MAP2K5: variants seen among roughly 807,000 people sequenced by gnomAD.
The protein encoded by MAP2K5 is mitogen-activated protein kinase kinase 5, also known as dual specificity mitogen-activated protein kinase kinase 5.
A neutral mutation model predicts 83.1 loss-of-function variants in MAP2K5; 49 were observed. The observed-to-expected ratio is 0.59, with a 90% CI of 0.47 to 0.75. The LOEUF (loss-of-function observed/expected upper bound fraction) is 0.75, where lower values mean the gene tolerates loss of function less well. Ranked by LOEUF, MAP2K5 falls within the 30% of genes least tolerant of loss-of-function variation. The pLI is 0.00. For synonymous variants in MAP2K5, 202 were observed against 191.8 expected (o/e 1.05, Z -0.44); for missense variants, 457 against 557.5 (o/e 0.82, Z 1.82).
chr15:67,668,961 T>C lies in MAP2K5; in HGVS notation c.847+4316T>C, dbSNP rs1189701141. Among the ~76,000 whole-genome samples the C allele has an allele frequency of 6.6e-6, 1 of 152,190 alleles. No individual in the cohort carries two copies. Among genetic ancestry groups the C allele is most frequent in the African/African-American group, 2.4e-5 (1 of 41,458 alleles). ...ATTCTGTAGGAAAATGCTGGCCAGA[T>C]AGATTTGTGTTTAAAGAAACTAAGC... is the stretch of plus-strand genomic sequence containing the variant. On this transcript the variant is annotated intron_variant, in intron 13 of 21. Transcript: ENST00000178640. This position sits in a 1 kb window ranked among gnomAD's most constrained non-coding sequence, Gnocchi z 4.0.
chr15:67,689,437 G>C (rs1314295379), intron 13 of MAP2K5, among the ~76,000 whole-genome samples: 1 of 152,188 alleles, frequency 6.6e-6, no homozygotes, highest in East Asian at 1.9e-4. Flanking sequence ...AAACCTGGGG[G>C]TGGGAAGGAG....
chr15:67,618,328 C>T (rs548362466), intron 8 of MAP2K5, among the ~76,000 whole-genome samples: 18 of 152,278 alleles, frequency 1.2e-4, no homozygotes, highest in African/African-American at 2.4e-4. Flanking sequence ...TGTACCTTCT[C>T]GTCTCCTTTA....
chr15:67,589,623 T>C (rs1366893748), intron 6 of MAP2K5, among the ~76,000 whole-genome samples: 1 of 152,248 alleles, frequency 6.6e-6, no homozygotes, highest in Non-Finnish European at 1.5e-5. Flanking sequence ...CAAAATGTTA[T>C]TAATTCAAGT....
At position 67,543,180 on chromosome 15, in the gene MAP2K5, T is replaced by C. The variant is rs1340411100; in HGVS notation, c.-156T>C. On this transcript the variant is annotated 5_prime_UTR_variant, in exon 1 of 22. Coordinates refer to ENST00000178640, the MANE Select transcript of MAP2K5 (RefSeq NM_145160.3). This position sits in a 1 kb window ranked among gnomAD's most constrained non-coding sequence, Gnocchi z 4.3. ...TCGGTGCCTGCGGGTGCGTTCCTGA[T>C]CACCCCTCCCCTCTTCCCTCCCCCT... The C allele has an allele frequency of 1.4e-6, 1 of 724,566 alleles. No individual in the cohort carries two copies. Among genetic ancestry groups the C allele is most frequent in the Non-Finnish European group, 2.3e-6 (1 of 433,502 alleles). The allele number at this position is 724,566 out of a possible 1,614,324, so 44.9% of individuals were successfully genotyped here.
chr15:67,698,757 G>C lies in MAP2K5; in HGVS notation c.973-4580G>C, dbSNP rs117484260. Among the ~76,000 whole-genome samples, 1 of 151,976 alleles carries C rather than the reference G, an allele frequency of 6.6e-6. No homozygotes were observed. The highest frequency in any genetic ancestry group is 2.4e-5 in the African/African-American group (1 of 41,362). ...CAGTTCTTGGTAATTGTCTTTACTCGGAATAAAACACATACACATTGCATG... is the reference window on the plus strand; with the variant it reads ...CAGTTCTTGGTAATTGTCTTTACTCCGAATAAAACACATACACATTGCATG... On this transcript the variant is annotated intron_variant, in intron 15 of 21. Coordinates refer to ENST00000178640, the MANE Select transcript of MAP2K5 (RefSeq NM_145160.3). This position sits in a 1 kb window ranked among gnomAD's most constrained non-coding sequence, Gnocchi z 4.5.
intron 13 of MAP2K5, among the ~76,000 whole-genome samples, chr15:67,689,877 C>T (rs1165198467): frequency 6.6e-6 from 1 of 152,196 alleles, no homozygotes; most frequent in Non-Finnish European, 1.5e-5. Flanking sequence ...CTGTCTCCAT[C>T]TGATATGGTA....
intron 8 of MAP2K5, among the ~76,000 whole-genome samples, chr15:67,613,358 A>G (rs2085976951): frequency 6.6e-6 from 1 of 152,244 alleles, no homozygotes; most frequent in Non-Finnish European, 1.5e-5. Flanking sequence ...ATTAGAAGTA[A>G]TAACATGCTT....
chr15:67,686,603 AAAT>A (rs57116318), intron 13 of MAP2K5, among the ~76,000 whole-genome samples: 4,867 of 148,422 alleles, frequency 0.033, 91 homozygotes, highest in African/African-American at 0.046. Flanking sequence ...ACTGTGTCTC[AAAT>A]AATAATAATA....
rs1316794630 is a variant in MAP2K5 at position 67,768,507 on chromosome 15, A to G, written c.1135-1095A>G. On this transcript the variant is annotated intron_variant, in intron 19 of 21. Transcript: ENST00000178640. The surrounding 1 kb of genome is among the most constrained non-coding windows in gnomAD (Gnocchi z 4.0). ...GCTGGAAGGTTGTATGTAATGATAT[A>G]TTGCTCATCCAAATGGCCAAAGCAC... Among the ~76,000 whole-genome samples, 5 of 152,182 alleles carry G rather than the reference A, an allele frequency of 3.3e-5. No individual in the cohort carries two copies. The highest frequency in any genetic ancestry group is 5.9e-5 in the Non-Finnish European group (4 of 68,030).
rs2090305057 is a variant in MAP2K5 at position 67,780,131 on chromosome 15, T to C, written c.1242+7379T>C. Among the ~76,000 whole-genome samples the C allele has an allele frequency of 6.6e-6, 1 of 152,246 alleles. No individual in the cohort carries two copies. The highest frequency in any genetic ancestry group is 1.9e-4 in the East Asian group (1 of 5,204). On this transcript the variant is annotated intron_variant, in intron 21 of 21. Coordinates refer to ENST00000178640, the MANE Select transcript of MAP2K5 (RefSeq NM_145160.3). This position sits in a 1 kb window ranked among gnomAD's most constrained non-coding sequence, Gnocchi z 5.0. ...AGCATTTAATTATATATTCATCTTA[T>C]GGCCACAAGTTAGTCCATGTAGTAC...
chr15:67,549,065 C>T (rs1374481633), intron 1 of MAP2K5: 42 of 1,522,840 alleles, frequency 2.8e-5, no homozygotes, highest in Non-Finnish European at 3.6e-5. Context: ...AGAAATACTG[C>T]GAGCGGCTTT....
intron 17 of MAP2K5, among the ~76,000 whole-genome samples, chr15:67,733,220 T>C (rs2089262882): frequency 6.6e-6 from 1 of 152,198 alleles, no homozygotes; most frequent in African/African-American, 2.4e-5. Context: ...TGATCTGATG[T>C]TTATACAACC....
At position 67,676,515 on chromosome 15, in the gene MAP2K5, G is replaced by T. The variant is rs2087687810; in HGVS notation, c.847+11870G>T. Among the ~76,000 whole-genome samples the T allele has an allele frequency of 6.6e-6, 1 of 152,074 alleles. No individual in the cohort carries two copies. Among genetic ancestry groups the T allele is most frequent in the South Asian group, 2.1e-4 (1 of 4,818 alleles). On this transcript the variant is annotated intron_variant, in intron 13 of 21. Coordinates refer to ENST00000178640, the MANE Select transcript of MAP2K5 (RefSeq NM_145160.3). This position sits in a 1 kb window ranked among gnomAD's most constrained non-coding sequence, Gnocchi z 4.8. ...TCCATGTCTCTTCCTTTCTCTAAAG[G>T]CATGGTTGAAGGTGATCAGCACCAT...
intron 8 of MAP2K5, among the ~76,000 whole-genome samples, chr15:67,604,866 G>T (rs1246901008): frequency 2.0e-5 from 3 of 151,840 alleles, no homozygotes; most frequent in Non-Finnish European, 4.4e-5. Flanking sequence ...CTGTACTCTA[G>T]CCTGGCAACA....
rs576512210 is a variant in MAP2K5 at position 67,637,194 on chromosome 15, A to T, written c.585+6267A>T. Reference sequence around the variant, plus strand: ...GGCTTCCTTGCTCCTCAGCTTGCAGATGGCCTATTGTGGGACTTCACCTTG... The same window carrying T: ...GGCTTCCTTGCTCCTCAGCTTGCAGTTGGCCTATTGTGGGACTTCACCTTG... On this transcript the variant is annotated intron_variant, in intron 9 of 21. Coordinates refer to ENST00000178640, the MANE Select transcript of MAP2K5 (RefSeq NM_145160.3). The surrounding 1 kb of genome is among the most constrained non-coding windows in gnomAD (Gnocchi z 4.5). 3.9e-5 allele frequency among the ~76,000 whole-genome samples: 6 copies of T among 152,098 alleles called. No homozygotes were observed. The highest frequency in any genetic ancestry group is 1.4e-4 in the African/African-American group (6 of 41,418).
intron 21 of MAP2K5, among the ~76,000 whole-genome samples, chr15:67,798,638 G>T (rs893496565): frequency 2.6e-5 from 4 of 152,214 alleles, no homozygotes; most frequent in Non-Finnish European, 5.9e-5. Context: ...AAAGTGGAGA[G>T]CTGCTTGACC....
intron 17 of MAP2K5, among the ~76,000 whole-genome samples, chr15:67,733,875 T>C (rs1294531380): frequency 1.3e-5 from 2 of 152,230 alleles, no homozygotes; most frequent in Admixed American, 1.3e-4. Context: ...ACCAAGATAC[T>C]TCTGTCATCC....
chr15:67,551,934 T>C (rs1230396859), intron 2 of MAP2K5, among the ~76,000 whole-genome samples: 1 of 152,216 alleles, frequency 6.6e-6, no homozygotes, highest in African/African-American at 2.4e-5. Flanking sequence ...GCATATAGTA[T>C]GATCCCATTT....
intron 19 of MAP2K5, among the ~76,000 whole-genome samples, chr15:67,756,515 C>CTGTG (rs200627656): frequency 0.12 from 15,522 of 131,096 alleles, 1,078 homozygotes; most frequent in South Asian, 0.21. Flanking sequence ...CACACAGTTA[C>CTGTG]TGTGTGTGTG....
Sources: gnomAD v4.1 joint callset for allele counts (sites outside exome capture counted in the v4.1 genomes callset) on GRCh38, gnomAD v4.1.1 for gene constraint, Gnocchi (gnomAD v3.1) non-coding constraint, MANE v1.5 for transcripts, NCBI Gene and HGNC (gene_info 2026-07-23, HGNC 2026-07-21) for gene names.